The following MAST1 variants were observed in gnomAD, a reference collection of about 807,000 sequenced individuals.
MAST1 encodes microtubule-associated serine/threonine-protein kinase 1.
MAST1 carries 40 observed loss-of-function variants against 124.6 expected under a neutral mutation model. That is an observed-to-expected ratio of 0.32 (90% CI 0.25 to 0.42). The LOEUF (loss-of-function observed/expected upper bound fraction) is 0.42. Ranked by LOEUF, MAST1 falls within the 10% of genes least tolerant of loss-of-function variation. MAST1 has a pLI of 1.00. For missense variants in MAST1, 1,558 were observed against 2,181.9 expected (o/e 0.71, Z 5.70); for synonymous variants, 938 against 939.4 (o/e 1.00, Z 0.03).
intron 12 of MAST1, among the ~76,000 whole-genome samples, chr19:12,862,658 CTTTTTTT>C (rs750956121): frequency 7.4e-6 from 1 of 135,912 alleles, no homozygotes; most frequent in Admixed American, 7.5e-5. Context: ...TTTTCTTTTC[CTTTTTTT>C]TTTTTTTTTT....
Position 12,869,175 on chromosome 19 carries a change from C to G in MAST1, c.2883C>G (p.Val961=). The G allele has an allele frequency of 6.2e-7, 1 of 1,614,222 alleles. No individual in the cohort carries two copies. Among genetic ancestry groups the G allele is most frequent in the Non-Finnish European group, 8.5e-7 (1 of 1,180,050 alleles). The change falls in exon 22 of 26, where the codon GTC becomes GTG. Residue 961 remains valine (V), a synonymous_variant. Transcript: ENST00000251472. ...SSPSRDYSPA[V]SGLRSPITIQ... is the part of the protein sequence containing the mutation. ...CCAGCCGGGACTACTCACCAGCTGT[C>G]AGTGGGCTCCGCTCCCCCATCACCA...
chr19:12,863,427 G>GA (rs1048228678), intron 12 of MAST1, among the ~76,000 whole-genome samples: 1 of 152,020 alleles, frequency 6.6e-6, no homozygotes, highest in East Asian at 1.9e-4. Flanking sequence ...AAAGAGAACA[G>GA]AAAAAAGAAA....
intron 12 of MAST1, among the ~76,000 whole-genome samples, chr19:12,864,174 G>T (rs992426364): frequency 2.0e-5 from 3 of 151,980 alleles, no homozygotes; most frequent in Admixed American, 6.6e-5. Context: ...TGATCCACCC[G>T]CCTTGGCTTC....
At position 12,864,958 on chromosome 19, in the gene MAST1, A is replaced by G; in HGVS notation, c.1505+11A>G. On this transcript the variant is annotated intron_variant, in intron 13 of 25. Transcript: ENST00000251472. ...CCTCAAGCCTGACAAGTGAGCTTTGATCTTTCCCATCACTCCCTCTGTCCC... is the reference window on the plus strand; with the variant it reads ...CCTCAAGCCTGACAAGTGAGCTTTGGTCTTTCCCATCACTCCCTCTGTCCC... 6.2e-7 allele frequency: 1 copy of G among 1,613,994 alleles called. No individual in the cohort carries two copies. Among genetic ancestry groups the G allele is most frequent in the South Asian group, 1.1e-5 (1 of 91,074 alleles).
In MAST1 at chr19:12,847,235, T is replaced by C. The variant is rs1260446654; in HGVS notation, c.328-55T>C. On this transcript the variant is annotated intron_variant, in intron 4 of 25. Coordinates refer to ENST00000251472, the MANE Select transcript of MAST1 (RefSeq NM_014975.3). This position sits in a 1 kb window ranked among gnomAD's most constrained non-coding sequence, Gnocchi z 5.5. ...CTTTGGGAGTCCCAGCTCAGGGTCC[T>C]GAGCTGTTGGGGGGCCCATGGTGGC... 14 of 1,267,348 alleles carry C rather than the reference T, an allele frequency of 1.1e-5. No homozygotes were observed. The Admixed American group carries it at 2.4e-4, about 22-fold the overall frequency. The allele number at this position is 1,267,348 out of a possible 1,614,324, so 78.5% of individuals were successfully genotyped here. A position where few individuals can be genotyped will look rare whatever the true frequency, so the allele number is the denominator to read the frequency against.
rs553960623 is a variant in MAST1, at chr19:12,851,292, C to T, written c.775-642C>T. On this transcript the variant is annotated intron_variant, in intron 7 of 25. Transcript: ENST00000251472. ...TCTTTTTTTTTTTTTGAGACAGGGT[C>T]TCTCTCTCTGTCACCCAGGCAGGAG... Among the ~76,000 whole-genome samples, 26 of 146,234 alleles carry T rather than the reference C, an allele frequency of 1.8e-4. No homozygotes were observed. The South Asian group carries it at 5.7e-3, about 32-fold the overall frequency.
At position 12,843,532 on chromosome 19, in the gene MAST1, G is replaced by C; in HGVS notation, c.252G>C (p.Ala84=). 6.2e-7 allele frequency: 1 copy of C among 1,613,312 alleles called. No individual in the cohort carries two copies. Among genetic ancestry groups the C allele is most frequent in the Non-Finnish European group, 8.5e-7 (1 of 1,179,780 alleles). Reference sequence around the variant, plus strand: ...GAGCACCTTGGCTGGGTTCCAGGGCGGACGGACGCCGGTGGTCTCTGGCCT... The same window carrying C: ...GAGCACCTTGGCTGGGTTCCAGGGCCGACGGACGCCGGTGGTCTCTGGCCT... The part of the protein sequence containing the change: ...AHFSFASSRR[A]DGRRWSLASL... The change falls in exon 4 of 26, where the codon GCG becomes GCC. Residue 84 remains alanine (A), a synonymous_variant. Transcript: ENST00000251472. This position sits in a 1 kb window ranked among gnomAD's most constrained non-coding sequence, Gnocchi z 4.9.
intron 21 of MAST1, 31 bp downstream of exon 21, chr19:12,868,880 G>A (rs755411431): frequency 1.3e-6 from 2 of 1,557,014 alleles, no homozygotes; most frequent in East Asian, 4.5e-5. Flanking sequence ...GCAGGGGAGG[G>A]GCTGCCCCCC....
chr19:12,855,202 C>T (rs1220213575), intron 10 of MAST1, among the ~76,000 whole-genome samples: 1 of 151,942 alleles, frequency 6.6e-6, no homozygotes, highest in African/African-American at 2.4e-5. Context: ...CCACTGCACT[C>T]CAGCCTGGGT....
Position 12,873,382 on chromosome 19 carries a change from A to G in MAST1, c.3322A>G (p.Ser1108Gly). 1 of 1,614,048 alleles carries G rather than the reference A, an allele frequency of 6.2e-7. No homozygotes were observed. Among genetic ancestry groups the G allele is most frequent in the Non-Finnish European group, 8.5e-7 (1 of 1,179,998 alleles). The change falls in exon 25 of 26, where the codon AGC becomes GGC. Residue 1108 changes from serine (S) to glycine (G), a missense_variant. Transcript: ENST00000251472. Reference sequence around the variant, plus strand: ...GAAGCAGTCGAACCTGCTGCATACTAGCCGCTCGCTGTCGTCGCTGAACCG... The same window carrying G: ...GAAGCAGTCGAACCTGCTGCATACTGGCCGCTCGCTGTCGTCGCTGAACCG... ...ITKQSNLLHT[S>G]RSLSSLNRSL... is the part of the protein sequence containing the mutation.
Position 12,847,880 on chromosome 19 carries a change from C to T in MAST1, c.597C>T (p.Asp199=). 6.2e-7 allele frequency: 1 copy of T among 1,612,820 alleles called. No individual in the cohort carries two copies. The highest frequency in any genetic ancestry group is 8.5e-7 in the Non-Finnish European group (1 of 1,179,544). ...CGCAGATGGAGGAGAAGCTGCGCGA[C>T]TTTACCCGCGCCTACGAACCCGACA... ...ATAQMEEKLR[D]FTRAYEPDSV... is the part of the protein sequence containing the mutation. Residue 199 remains aspartate, a synonymous_variant, in exon 7 of 26, where the codon GAC becomes GAT. Transcript: ENST00000251472. The surrounding 1 kb of genome is among the most constrained non-coding windows in gnomAD (Gnocchi z 5.5).
chr19:12,851,873 A>T, intron 7 of MAST1, 61 bp from the exon 8 acceptor site: 1 of 1,315,270 alleles, frequency 7.6e-7, no homozygotes, highest in South Asian at 1.3e-5. Context: ...AGGGGCTGAG[A>T]GAGGGGCCGG....
intron 2 of MAST1, 54 bp downstream of exon 2, chr19:12,840,588 G>A (rs945388919): frequency 1.4e-5 from 19 of 1,344,764 alleles, no homozygotes; most frequent in Admixed American, 5.7e-5. Context: ...AGTAGGCGGG[G>A]CCTCAGGCGA....
intron 7 of MAST1, chr19:12,848,284 C>T (rs1356541447): frequency 1.8e-6 from 1 of 541,982 alleles, no homozygotes; most frequent in Non-Finnish European, 3.3e-6. Context: ...ACTCAAATGT[C>T]ACCTTTTCAG....
In MAST1 at chr19:12,868,629, G is replaced by A; in HGVS notation, c.2567-14G>A. The A allele has an allele frequency of 3.2e-6, 5 of 1,564,650 alleles. No homozygotes were observed. The highest frequency in any genetic ancestry group is 4.3e-6 in the Non-Finnish European group (5 of 1,153,108). On this transcript the variant is annotated splice_polypyrimidine_tract_variant and intron_variant, in intron 20 of 25. Coordinates refer to ENST00000251472, the MANE Select transcript of MAST1 (RefSeq NM_014975.3). ...CCTTGGACTAATTCCTAACACACTT[G>A]CTTTCTGTTGCAGCTGACCGTCCAC...
chr19:12,866,213 CCT>C lies in MAST1; in HGVS notation c.2029+112_2029+113del. The C allele has an allele frequency of 4.9e-6, 7 of 1,430,642 alleles. No homozygotes were observed. The South Asian group carries it at 9.3e-5, about 19-fold the overall frequency. 88.6% of individuals were successfully genotyped at this position (1,430,642 alleles called of 1,614,324 possible). On this transcript the variant is annotated intron_variant, in intron 17 of 25. Transcript: ENST00000251472. This position sits in a 1 kb window ranked among gnomAD's most constrained non-coding sequence, Gnocchi z 5.2. ...CCTGGCTAAGTACCAAGATGTGATG[CCT>C]AGGTGCGAAGGTGGTATTTTGGTGG...
intron 10 of MAST1, among the ~76,000 whole-genome samples, 192 bp downstream of exon 10, chr19:12,852,587 C>T (rs1599581469): frequency 6.6e-6 from 1 of 151,978 alleles, no homozygotes; most frequent in Admixed American, 6.6e-5. Flanking sequence ...GCCTGTAATC[C>T]CAGCACTTTG....
intron 12 of MAST1, among the ~76,000 whole-genome samples, chr19:12,859,789 C>A (rs1970057463): frequency 6.7e-6 from 1 of 149,410 alleles, no homozygotes; most frequent in Non-Finnish European, 1.5e-5. Flanking sequence ...CATGCCATTG[C>A]ACTCCAGCCC....
Position 12,874,578 on chromosome 19 carries a change from C to T in MAST1, c.4421C>T (p.Pro1474Leu). 9 of 1,508,696 alleles carry T rather than the reference C, an allele frequency of 6.0e-6. No individual in the cohort carries two copies. Among genetic ancestry groups the T allele is most frequent in the East Asian group, 2.3e-5 (1 of 43,230 alleles). The allele number at this position is 1,508,696 out of a possible 1,614,324, so 93.5% of individuals were successfully genotyped here. The change falls in exon 26 of 26, where the codon CCC becomes CTC. Residue 1474 changes from proline (P) to leucine (L), a missense_variant. By Grantham distance (98) the Pro-to-Leu change is moderately conservative. Transcript: ENST00000251472. This position sits in a 1 kb window ranked among gnomAD's most constrained non-coding sequence, Gnocchi z 6.6. ...APLAPSVPEA[P>L]RGRERWVLEV... ...CTGGCGCCTTCCGTGCCCGAGGCCC[C>T]CCGGGGCCGGGAGCGCTGGGTGTTG...
Sources: allele counts gnomAD v4.1 joint callset (sites outside exome capture counted in the v4.1 genomes callset), GRCh38; gene constraint gnomAD v4.1.1; non-coding constraint Gnocchi (gnomAD v3.1); transcripts MANE v1.5; gene names NCBI Gene and HGNC (gene_info 2026-07-23, HGNC 2026-07-21).